The following APOBEC3B variants were observed in gnomAD, a reference collection of about 807,000 sequenced individuals.
The protein encoded by APOBEC3B is DNA dC->dU-editing enzyme APOBEC-3B.
In APOBEC3B, 29 loss-of-function variants were observed where a neutral mutation model predicts 53.4. The ratio of observed to expected loss-of-function variants is 0.54; its 90% CI spans 0.40 to 0.74. The LOEUF is 0.74. APOBEC3B is among the 30% of genes least tolerant of loss of function. The probability of loss-of-function intolerance (pLI) is 0.00; values close to 1 mark genes in which losing one functional copy is unlikely to be tolerated. For synonymous variants in APOBEC3B, 132 were observed against 184.8 expected, an observed-to-expected ratio of 0.71 and a Z score of 2.32; for missense variants, 347 against 496.2, an observed-to-expected ratio of 0.70 and a Z score of 2.86.
At chr22:38,989,404 G>T in intron 4 of APOBEC3B, 53 bp from the exon 5 acceptor site, 1 of 1,479,938 alleles carries the variant, frequency 6.8e-7, no homozygotes, top group Non-Finnish European at 9.1e-7. Context: ...GGAGCGAGAG[G>T]TAGTCCCAGG....
intron 4 of APOBEC3B, among the ~76,000 whole-genome samples, chr22:38,988,687 T>TTTCTCTCTTTCTC (rs1491021212): frequency 0.09 from 4,051 of 44,990 alleles, 707 homozygotes; most frequent in East Asian, 0.28. Context: ...CTCTTTCTCT[T>TTTCTCTCTTTCTC]TCTTTCTTTC....
At chr22:38,990,880 G>C (rs1303106395) in intron 5 of APOBEC3B, among the ~76,000 whole-genome samples, 1 of 146,470 alleles carries the variant, frequency 6.8e-6, no homozygotes, top group Non-Finnish European at 1.5e-5. Flanking sequence ...GCTGGGTCTG[G>C]GGTGAGGGTC....
rs1555894380 is a variant in APOBEC3B at position 38,988,691 on chromosome 22, T to TTCTTTCTCTCTC, written c.570-759_570-758insCTCTCTCTTTCT. On this transcript the variant is annotated intron_variant, in intron 4 of 7. Coordinates refer to ENST00000333467, the MANE Select transcript of APOBEC3B (RefSeq NM_004900.5). ...TCTCTCTTTCTCTCTTTCTCTTTCT[T>TTCTTTCTCTCTC]TCTTTCTTTCTTTCTTTCTTTCTTT... Among the ~76,000 whole-genome samples, 2 of 87,912 alleles carry TTCTTTCTCTCTC rather than the reference T, an allele frequency of 2.3e-5. 1 individual carries two copies. The highest frequency in any genetic ancestry group is 2.5e-4 in the Admixed American group (2 of 7,984). 57.7% of individuals were successfully genotyped at this position (87,912 alleles called of 152,430 possible). A position where few individuals can be genotyped will look rare whatever the true frequency, so the allele number is the denominator to read the frequency against.
In APOBEC3B at chr22:38,990,619, C is replaced by A. The variant is rs2146293907; in HGVS notation, c.724-713C>A. The stretch of plus-strand genomic sequence containing the variant: ...AGTGAGTCCTGCTGGTCTTCTCTTC[C>A]CCACTACTTTTGGTGGAATTCATTT... On this transcript the variant is annotated intron_variant, in intron 5 of 7. Transcript: ENST00000333467. Among the ~76,000 whole-genome samples, 2 of 148,036 alleles carry A rather than the reference C, an allele frequency of 1.4e-5. 1 individual carries two copies. Among genetic ancestry groups the A allele is most frequent in the East Asian group, 4.5e-4 (2 of 4,462 alleles).
chr22:38,989,389 G>A, intron 4 of APOBEC3B, 68 bp from the exon 5 acceptor site: 1 of 1,422,452 alleles, frequency 7.0e-7, no homozygotes, highest in Non-Finnish European at 9.5e-7. Flanking sequence ...GGGGGGTGCA[G>A]GAGAGGAGCG....
At chr22:38,986,947 G>C (rs951542176) in intron 4 of APOBEC3B, among the ~76,000 whole-genome samples, 1 of 148,442 alleles carries the variant, frequency 6.7e-6, no homozygotes, top group Non-Finnish European at 1.5e-5. Flanking sequence ...GGACGGGGGG[G>C]GTCCCTGGGA....
Position 38,992,475 on chromosome 22 carries a change from G to A in APOBEC3B, c.*30G>A, listed in dbSNP as rs1308997226. 6.5e-7 allele frequency: 1 copy of A among 1,545,576 alleles called. No homozygotes were observed. The highest frequency in any genetic ancestry group is 1.4e-5 in the African/African-American group (1 of 73,128). ...TGGGCCTCAGTCTCTAAGGAAGGCAGAGACCTGGGTTGAGCAGCAGAATAA... is the reference window on the plus strand; with the variant it reads ...TGGGCCTCAGTCTCTAAGGAAGGCAAAGACCTGGGTTGAGCAGCAGAATAA... On this transcript the variant is annotated 3_prime_UTR_variant, in exon 8 of 8. Coordinates refer to ENST00000333467, the MANE Select transcript of APOBEC3B (RefSeq NM_004900.5).
At chr22:38,987,469 T>A (rs1478398160) in intron 4 of APOBEC3B, among the ~76,000 whole-genome samples, 1 of 148,504 alleles carries the variant, frequency 6.7e-6, no homozygotes, top group Non-Finnish European at 1.5e-5. Flanking sequence ...CCTGGGAGGG[T>A]GCTCCCTGTA....
Position 38,986,197 on chromosome 22 carries a change from T to A in APOBEC3B, c.455-101T>A. The A allele has an allele frequency of 7.0e-6, 11 of 1,579,034 alleles. 1 individual carries two copies. Among genetic ancestry groups the A allele is most frequent in the Non-Finnish European group, 5.1e-6 (6 of 1,165,386 alleles). On this transcript the variant is annotated intron_variant, in intron 3 of 7. Coordinates refer to ENST00000333467, the MANE Select transcript of APOBEC3B (RefSeq NM_004900.5). ...GGTGTCCCAGGGCAGCCTGCAGGGG[T>A]GGGACTGGCACTGACTGCAACTGAC...
At position 38,992,022 on chromosome 22, in the gene APOBEC3B, G is replaced by A. The variant is rs755259175; in HGVS notation, c.1019-12G>A. Reference sequence around the variant, plus strand: ...AACAGGAGCGTGACTTATCTCCCCTGTCCCTTTTCAGAGTTTGAGTACTGC... The same window carrying A: ...AACAGGAGCGTGACTTATCTCCCCTATCCCTTTTCAGAGTTTGAGTACTGC... On this transcript the variant is annotated splice_polypyrimidine_tract_variant and intron_variant, in intron 6 of 7. Coordinates refer to ENST00000333467, the MANE Select transcript of APOBEC3B (RefSeq NM_004900.5). The A allele has an allele frequency of 1.9e-6, 3 of 1,571,694 alleles. No individual in the cohort carries two copies. Among genetic ancestry groups the A allele is most frequent in the South Asian group, 2.3e-5 (2 of 85,108 alleles).
At chr22:38,990,167 T>C (rs1923936838) in intron 5 of APOBEC3B, among the ~76,000 whole-genome samples, 1 of 148,192 alleles carries the variant, frequency 6.7e-6, no homozygotes, top group African/African-American at 2.5e-5. Context: ...CCCTGGCCCC[T>C]ACCCAGCACA....
intron 2 of APOBEC3B, 97 bp downstream of exon 2, chr22:38,984,328 C>T: frequency 7.1e-7 from 1 of 1,401,384 alleles, no homozygotes; most frequent in Non-Finnish European, 9.5e-7. Context: ...TATTTAGGTG[C>T]ACTGGTTCAG....
chr22:38,989,690 C>A, intron 5 of APOBEC3B, 80 bp downstream of exon 5: 1 of 1,308,684 alleles, frequency 7.6e-7, no homozygotes. Context: ...CTGGGTGGTG[C>A]CTGTGGTTTC....
At chr22:38,982,569 C>G in intron 1 of APOBEC3B, 99 bp downstream of exon 1, 1 of 1,411,944 alleles carries the variant, frequency 7.1e-7, no homozygotes, top group Non-Finnish European at 9.8e-7. Context: ...CCTGCCCCAG[C>G]CCTGGGCTCC....
chr22:38,985,899 A>C lies in APOBEC3B; in HGVS notation c.262A>C (p.Ile88Leu), dbSNP rs151303359. The C allele has an allele frequency of 1.3e-3, 2,145 of 1,599,610 alleles. 96 individuals carry two copies. The African/African-American group carries it at 0.024, about 18-fold the overall frequency. The change falls in exon 3 of 8, where the codon ATC becomes CTC. Residue 88 changes from isoleucine to leucine, a missense_variant. By Grantham distance (5) the Ile-to-Leu change is conservative. Around this residue, in one of 5 missense-constraint regions of APOBEC3B, gnomAD observed 20 missense variants for 50.9 expected, o/e 0.39. Transcript: ENST00000333467. The stretch of plus-strand genomic sequence containing the variant: ...GCTGCCTGCTTACAAGTGTTTCCAG[A>C]TCACCTGGTTTGTATCCTGGACCCC... ...NQLPAYKCFQ[I>L]TWFVSWTPCP... is the part of the protein sequence containing the mutation.
chr22:38,988,744 T>C (rs140447432), intron 4 of APOBEC3B, among the ~76,000 whole-genome samples: 1 of 116,218 alleles, frequency 8.6e-6, no homozygotes, highest in Non-Finnish European at 1.7e-5. Flanking sequence ...TTTCTTTCTT[T>C]CTTCCTTTCT....
rs59616873 is a variant in APOBEC3B, at chr22:38,983,783, C to T, written c.18-292C>T. Among the ~76,000 whole-genome samples, 767 of 148,996 alleles carry T rather than the reference C, an allele frequency of 5.1e-3. 40 individuals are homozygous for T. Among genetic ancestry groups the T allele is most frequent in the African/African-American group, 0.018 (731 of 41,052 alleles). On this transcript the variant is annotated intron_variant, in intron 1 of 7. Transcript: ENST00000333467. ...GGGTTTTATTCTCTTTTGCATTCTC[C>T]TAATGGGTTGGGGAGTGGGTTGGCA... is the stretch of plus-strand genomic sequence containing the variant.
chr22:38,988,237 C>T (rs1398927971), intron 4 of APOBEC3B, among the ~76,000 whole-genome samples: 4 of 148,534 alleles, frequency 2.7e-5, no homozygotes, highest in African/African-American at 7.3e-5. Context: ...AGTTTTGGTC[C>T]CAGTGCTGGT....
At chr22:38,983,860 C>T (rs1051140645) in intron 1 of APOBEC3B, among the ~76,000 whole-genome samples, 8 of 148,250 alleles carry the variant, frequency 5.4e-5, no homozygotes, top group Middle Eastern at 3.2e-3. Flanking sequence ...GAGTTGGACC[C>T]GAGCTGGGAG....
Sources: gnomAD v4.1 joint callset for allele counts (sites outside exome capture counted in the v4.1 genomes callset) on GRCh38, gnomAD v4.1.1 for gene constraint, gnomAD v4.1.1 regional missense constraint, MANE v1.5 for transcripts, NCBI Gene and HGNC (gene_info 2026-07-23, HGNC 2026-07-21) for gene names.